QTGAL: variants seen among roughly 807,000 people sequenced by gnomAD.
QTGAL encodes the protein BGnT-like protein 1.
At chr17:82,975,744 C>G in the QTGAL span, among the ~76,000 whole-genome samples, 1 of 98,468 alleles carries the variant, frequency 1.0e-5, no homozygotes, top group Non-Finnish European at 1.9e-5. Context: ...GGACTCCATC[C>G]TCCCAGGGAC....
At chr17:83,050,055 C>T in the QTGAL span, among the ~76,000 whole-genome samples, 1 of 152,164 alleles carries the variant, frequency 6.6e-6, no homozygotes, top group African/African-American at 2.4e-5. Flanking sequence ...CTGTCTCTTC[C>T]TGGACTTAGG....
the QTGAL span, among the ~76,000 whole-genome samples, chr17:83,048,026 C>T: frequency 5.3e-5 from 5 of 94,088 alleles, no homozygotes; most frequent in Admixed American, 1.9e-4. Context: ...CTCTCTTTCT[C>T]TCTCTCTTTC....
At chr17:83,009,672 G>A in the QTGAL span, among the ~76,000 whole-genome samples, 1 of 152,138 alleles carries the variant, frequency 6.6e-6, no homozygotes, top group Admixed American at 6.5e-5. Context: ...AGGGTCAAGC[G>A]TGTCTGGGTG....
chr17:82,992,667 A>C, the QTGAL span, among the ~76,000 whole-genome samples: 1 of 152,108 alleles, frequency 6.6e-6, no homozygotes, highest in Admixed American at 6.5e-5. Context: ...AAAAACACAA[A>C]GTATTATAAT....
the QTGAL span, among the ~76,000 whole-genome samples, chr17:83,025,185 C>T: frequency 3.2e-3 from 372 of 115,518 alleles, no homozygotes; most frequent in African/African-American, 0.011. Flanking sequence ...ACACGGACAC[C>T]GCGGAGAGTC....
chr17:83,001,597 G>GGGGT, the QTGAL span, among the ~76,000 whole-genome samples: 23 of 151,080 alleles, frequency 1.5e-4, no homozygotes, highest in African/African-American at 5.7e-4. Context: ...AGAAAGCAGA[G>GGGGT]GGGCGGGCGG....
chr17:83,035,000 C>T, the QTGAL span: 2 of 1,482,740 alleles, frequency 1.3e-6, no homozygotes, highest in Non-Finnish European at 1.9e-6. Context: ...AACATGTACA[C>T]ATTTATACAT....
chr17:82,961,693 G>A, the QTGAL span, among the ~76,000 whole-genome samples: 1 of 152,240 alleles, frequency 6.6e-6, no homozygotes, highest in South Asian at 2.1e-4. Flanking sequence ...CCGGGCCTGT[G>A]CCAGCCCTGC....
At chr17:83,001,513 T>C in the QTGAL span, among the ~76,000 whole-genome samples, 7 of 147,780 alleles carry the variant, frequency 4.7e-5, no homozygotes, top group Non-Finnish European at 3.0e-5. Flanking sequence ...CACTTCGGCA[T>C]CCTTCAAGTC....
the QTGAL span, chr17:83,048,390 GAAC>G: frequency 2.3e-6 from 3 of 1,278,068 alleles, no homozygotes; most frequent in African/African-American, 3.0e-5. Flanking sequence ...GTCAGTATTT[GAAC>G]AACATGAAAC....
the QTGAL span, among the ~76,000 whole-genome samples, chr17:83,026,168 A>G: frequency 6.6e-6 from 1 of 152,236 alleles, no homozygotes; most frequent in Non-Finnish European, 1.5e-5. Context: ...GCTCCTGCTC[A>G]GCCAGCAAAA....
the QTGAL span, among the ~76,000 whole-genome samples, chr17:82,969,573 G>A: frequency 7.9e-5 from 12 of 152,226 alleles, no homozygotes; most frequent in Admixed American, 4.6e-4. Context: ...AGAGGCTGAG[G>A]TGGGAATTCG....
chr17:83,042,227 C>T, the QTGAL span, among the ~76,000 whole-genome samples: 3 of 152,074 alleles, frequency 2.0e-5, no homozygotes, highest in Admixed American at 6.5e-5. Context: ...CTTACGCAGG[C>T]GTGCTGGCAG....
the QTGAL span, among the ~76,000 whole-genome samples, chr17:83,007,439 AG>A: frequency 6.6e-6 from 1 of 152,218 alleles, no homozygotes; most frequent in South Asian, 2.1e-4. Context: ...TGAACAGAAA[AG>A]ATTTTGAGGG....
At chr17:82,981,940 T>G in the QTGAL span, among the ~76,000 whole-genome samples, 2 of 152,254 alleles carry the variant, frequency 1.3e-5, no homozygotes, top group Non-Finnish European at 2.9e-5. Flanking sequence ...GAAAACACAT[T>G]GACTATTCAT....
At chr17:83,040,946 G>T in the QTGAL span, among the ~76,000 whole-genome samples, 1 of 151,944 alleles carries the variant, frequency 6.6e-6, no homozygotes, top group South Asian at 2.1e-4. Flanking sequence ...GGTGCCTGTA[G>T]TCCCAGCTAC....
the QTGAL span, among the ~76,000 whole-genome samples, chr17:83,029,653 CTA>C: frequency 6.6e-6 from 1 of 152,290 alleles, no homozygotes; most frequent in Admixed American, 6.5e-5. Context: ...CGCAGATTGG[CTA>C]TGTCTGCCTT....
At chr17:82,991,435 TTC>T in the QTGAL span, among the ~76,000 whole-genome samples, 2 of 152,202 alleles carry the variant, frequency 1.3e-5, no homozygotes, top group Non-Finnish European at 2.9e-5. Flanking sequence ...TTCTCTCTCA[TTC>T]TCTCTTTGCC....
At chr17:83,014,419 A>C in the QTGAL span, 1 of 1,599,928 alleles carries the variant, frequency 6.3e-7, no homozygotes, top group Non-Finnish European at 8.6e-7. Flanking sequence ...AATTTCACTA[A>C]AGGTAGTAAC....
Sources: allele counts gnomAD v4.1 joint callset (sites outside exome capture counted in the v4.1 genomes callset), GRCh38; gene constraint gnomAD v4.1.1; transcripts MANE v1.5; gene names NCBI Gene and HGNC (gene_info 2026-07-23, HGNC 2026-07-21).